The following KIF13B variants were observed in gnomAD, a reference collection of about 807,000 sequenced individuals.
KIF13B encodes the protein kinesin-like protein KIF13B.
Under a neutral mutation model 222.0 loss-of-function variants are expected in KIF13B, and 127 were observed. The ratio of observed to expected loss-of-function variants is 0.57; its 90% confidence interval spans 0.50 to 0.66. The LOEUF is 0.66. Ranked by LOEUF, KIF13B falls within the 30% of genes least tolerant of loss-of-function variation. The pLI is 0.00. For missense variants in KIF13B, 2,173 were observed against 2,379.0 expected (o/e 0.91, Z 1.80); for synonymous variants, 976 against 919.0 (o/e 1.06, Z -1.12).
At chr8:29,144,764 A>G (rs1370256143) in intron 18 of KIF13B, among the ~76,000 whole-genome samples, 1 of 152,218 alleles carries the variant, frequency 6.6e-6, no homozygotes, top group Non-Finnish European at 1.5e-5. Flanking sequence ...AATTCACCAG[A>G]GAAGAGTTCA....
At chr8:29,191,646 T>A (rs1328787027) in intron 3 of KIF13B, among the ~76,000 whole-genome samples, 1 of 152,264 alleles carries the variant, frequency 6.6e-6, no homozygotes, top group Non-Finnish European at 1.5e-5. Context: ...GAACAATCTG[T>A]ATTAAAATGC....
chr8:29,163,954 G>C lies in KIF13B; in HGVS notation c.1269+1708C>G, dbSNP rs1052444075. On this transcript the variant is annotated intron_variant, in intron 12 of 39. Transcript: ENST00000524189. ...TGACTTATAATTTATAAAAAACACA[G>C]GGAGATATGTAATGAGAAATAGTTT... Among the ~76,000 whole-genome samples the C allele has an allele frequency of 9.9e-5, 15 of 152,224 alleles. No individual in the cohort carries two copies. The East Asian group carries it at 2.5e-3, about 25-fold the overall frequency.
At chr8:29,105,803 C>T (rs1292008965) in intron 35 of KIF13B, among the ~76,000 whole-genome samples, 2 of 151,908 alleles carry the variant, frequency 1.3e-5, no homozygotes, top group Admixed American at 6.6e-5. Flanking sequence ...GGATTACAGG[C>T]GCCTGGCACC....
At chr8:29,219,879 A>G (rs949753651) in intron 2 of KIF13B, among the ~76,000 whole-genome samples, 1 of 152,216 alleles carries the variant, frequency 6.6e-6, no homozygotes, top group Non-Finnish European at 1.5e-5. Flanking sequence ...CCTGGGGAAC[A>G]TGGTGAAACC....
In KIF13B at chr8:29,127,215, A is replaced by T; in HGVS notation, c.3129T>A (p.Thr1043=). ...GTATACATTCTTCCATCAGTGGTAA[A>T]GTCCCAGATTCCTGCACTGACTTCA... ...VEVKSVQESG[T]LPLMEECILS... The change falls in exon 25 of 40, where the codon ACT becomes ACA. Residue 1043 remains threonine, a synonymous_variant. Transcript: ENST00000524189. The T allele has an allele frequency of 6.2e-7, 1 of 1,613,964 alleles. No homozygotes were observed. Among genetic ancestry groups the T allele is most frequent in the Non-Finnish European group, 8.5e-7 (1 of 1,179,852 alleles).
At chr8:29,255,045 A>C (rs1213345812) in intron 1 of KIF13B, among the ~76,000 whole-genome samples, 3 of 152,254 alleles carry the variant, frequency 2.0e-5, no homozygotes, top group African/African-American at 4.8e-5. Context: ...ACAAAAGTCC[A>C]CATAATATAG....
At chr8:29,175,520 T>G (rs1812438181) in intron 10 of KIF13B, among the ~76,000 whole-genome samples, 1 of 152,258 alleles carries the variant, frequency 6.6e-6, no homozygotes, top group African/African-American at 2.4e-5. Flanking sequence ...TTGTTCATAC[T>G]GAATCAATCA....
At chr8:29,229,738 A>G (rs1815200852) in intron 2 of KIF13B, among the ~76,000 whole-genome samples, 1 of 152,214 alleles carries the variant, frequency 6.6e-6, no homozygotes, top group Non-Finnish European at 1.5e-5. Flanking sequence ...TTCAGAGGAA[A>G]CCCACAATCC....
chr8:29,119,037 G>A (rs750596046), intron 29 of KIF13B, 45 bp from the exon 30 acceptor site: 5 of 1,582,878 alleles, frequency 3.2e-6, no homozygotes, highest in South Asian at 1.1e-5. Context: ...CATTTTCAAG[G>A]ATAACCCCTA....
At chr8:29,089,495 C>T (rs1240303080) in intron 37 of KIF13B, among the ~76,000 whole-genome samples, 5 of 152,126 alleles carry the variant, frequency 3.3e-5, no homozygotes, top group African/African-American at 4.8e-5. Context: ...TTTGCATCTT[C>T]TATGTACCAG....
intron 2 of KIF13B, among the ~76,000 whole-genome samples, chr8:29,221,088 A>G (rs1443917172): frequency 1.5e-5 from 2 of 133,288 alleles, no homozygotes; most frequent in Non-Finnish European, 3.1e-5. Context: ...GGCTGCAGTG[A>G]GCTGTGTTCT....
intron 13 of KIF13B, among the ~76,000 whole-genome samples, chr8:29,159,360 G>C (rs767255053): frequency 1.3e-5 from 2 of 152,122 alleles, no homozygotes; most frequent in Non-Finnish European, 2.9e-5. Context: ...ATGTTGGCCA[G>C]GCTGGTCTTG....
At chr8:29,177,601 C>T (rs1332928052) in intron 8 of KIF13B, 23 bp from the exon 9 acceptor site, 11 of 1,492,984 alleles carry the variant, frequency 7.4e-6, no homozygotes, top group Non-Finnish European at 1.0e-5. Context: ...TCAATCAATA[C>T]TAATCAACAG....
rs756335003 is a variant in KIF13B at position 29,196,208 on chromosome 8, C to A, written c.150-9G>T. Reference sequence around the variant, plus strand: ...TTACCTTCGGCTGGCCCCTGAGCTCCCAAAACAGATGTCATCATTGACGTG... The same window carrying A: ...TTACCTTCGGCTGGCCCCTGAGCTCACAAAACAGATGTCATCATTGACGTG... On this transcript the variant is annotated splice_polypyrimidine_tract_variant and intron_variant, in intron 2 of 39. Transcript: ENST00000524189. 1 of 1,557,914 alleles carries A rather than the reference C, an allele frequency of 6.4e-7. No homozygotes were observed. Among genetic ancestry groups the A allele is most frequent in the Non-Finnish European group, 8.7e-7 (1 of 1,150,906 alleles).
chr8:29,092,598 C>T, intron 37 of KIF13B, 147 bp downstream of exon 37: 5 of 746,002 alleles, frequency 6.7e-6, no homozygotes, highest in East Asian at 2.8e-5. Context: ...AAGAGAGTGG[C>T]GGAGAAAAGA....
intron 2 of KIF13B, among the ~76,000 whole-genome samples, chr8:29,240,327 G>GAA (rs796337657): frequency 7.7e-6 from 1 of 130,492 alleles, no homozygotes; most frequent in Non-Finnish European, 1.7e-5. Context: ...CCGCAGCAGG[G>GAA]AAAAAAAAAA....
intron 37 of KIF13B, among the ~76,000 whole-genome samples, chr8:29,085,531 TA>T (rs1808003941): frequency 2.6e-5 from 4 of 151,856 alleles, no homozygotes; most frequent in Middle Eastern, 6.8e-3. Flanking sequence ...CACACCCACA[TA>T]TTTTTTTTTT....
At chr8:29,122,290 T>G (rs998076138) in intron 29 of KIF13B, among the ~76,000 whole-genome samples, 7 of 152,104 alleles carry the variant, frequency 4.6e-5, no homozygotes, top group Non-Finnish European at 7.4e-5. Context: ...TTAGAAAATA[T>G]TTTTAGTGCA....
At chr8:29,112,377 GAGCCAAGA>G (rs1040032103) in intron 32 of KIF13B, among the ~76,000 whole-genome samples, 1 of 142,230 alleles carries the variant, frequency 7.0e-6, no homozygotes, top group Non-Finnish European at 1.5e-5. Context: ...AGGTTGCAGT[GAGCCAAGA>G]TCACACCACT....
Sources: gnomAD v4.1 joint callset for allele counts (sites outside exome capture counted in the v4.1 genomes callset) on GRCh38, gnomAD v4.1.1 for gene constraint, MANE v1.5 for transcripts, NCBI Gene and HGNC (gene_info 2026-07-23, HGNC 2026-07-21) for gene names.